PCSK6: variants seen among roughly 807,000 people sequenced by gnomAD.
PCSK6 encodes paired basic amino acid cleaving enzyme 4.
Under a neutral mutation model 123.3 loss-of-function variants are expected in PCSK6, and 85 were observed. That is an observed-to-expected ratio of 0.69 (90% CI 0.58 to 0.83). The LOEUF (loss-of-function observed/expected upper bound fraction) is 0.83. Among genes scored for constraint, PCSK6 ranks in the 40% least tolerant of loss-of-function variants. The probability of loss-of-function intolerance (pLI) is 0.00; values close to 1 mark genes in which losing one functional copy is unlikely to be tolerated. For synonymous variants in PCSK6, 508 were observed against 516.0 expected (o/e 0.98, Z 0.21); for missense variants, 1,191 against 1,282.3 (o/e 0.93, Z 1.09).
intron 1 of PCSK6, among the ~76,000 whole-genome samples, chr15:101,448,890 G>A (rs1299260130): frequency 6.6e-6 from 1 of 152,138 alleles, no homozygotes; most frequent in African/African-American, 2.4e-5. Context: ...ATCATGGGAG[G>A]CCTATATTAT....
chr15:101,478,824 G>A (rs1317707634), intron 1 of PCSK6, among the ~76,000 whole-genome samples: 2 of 152,182 alleles, frequency 1.3e-5, no homozygotes, highest in Non-Finnish European at 2.9e-5. Flanking sequence ...AAGCATAAGC[G>A]ATATTTGACT....
rs34872628 is a variant in PCSK6, at chr15:101,455,151, G to GCAAA, written c.298-11495_298-11492dup. Among the ~76,000 whole-genome samples the GCAAA allele has an allele frequency of 4.0e-5, 6 of 151,600 alleles. No individual in the cohort carries two copies. In the South Asian group the frequency reaches 6.2e-4, roughly 16 times the overall value. On this transcript the variant is annotated intron_variant, in intron 1 of 21. Transcript: ENST00000611716. ...TTTCTATTATGTGTATTTGACCACA[G>GCAAA]CAAACAAACAAACAAACAAAAAACT...
At chr15:101,390,789 A>C (rs2042211585) in intron 8 of PCSK6, among the ~76,000 whole-genome samples, 2 of 152,216 alleles carry the variant, frequency 1.3e-5, no homozygotes, top group Non-Finnish European at 2.9e-5. Context: ...TGAGACTCAA[A>C]GCAGAGACTC....
intron 1 of PCSK6, among the ~76,000 whole-genome samples, chr15:101,462,706 G>GA (rs909603772): frequency 6.6e-6 from 1 of 152,050 alleles, no homozygotes; most frequent in Non-Finnish European, 1.5e-5. Context: ...ATTCATATGA[G>GA]AAAAAAATAA....
At chr15:101,417,628 G>A (rs1361724993) in intron 6 of PCSK6, among the ~76,000 whole-genome samples, 1 of 152,076 alleles carries the variant, frequency 6.6e-6, no homozygotes, top group East Asian at 1.9e-4. Context: ...AGTAAGAGGT[G>A]ATGAAAGGAG....
intron 7 of PCSK6, 30 bp from the exon 8 acceptor site, chr15:101,393,454 C>T: frequency 1.3e-6 from 2 of 1,578,032 alleles, no homozygotes; most frequent in Non-Finnish European, 1.7e-6. Flanking sequence ...AAGGCTTAGC[C>T]CCGCAGCAGA....
chr15:101,361,164 C>T (rs76869257), intron 13 of PCSK6, among the ~76,000 whole-genome samples: 1,333 of 80,672 alleles, frequency 0.017, 30 homozygotes, highest in African/African-American at 0.031. Context: ...CTTTCTCTCT[C>T]TTTTTTTTTT....
At chr15:101,352,967 T>C (rs2040936795) in intron 13 of PCSK6, among the ~76,000 whole-genome samples, 1 of 152,228 alleles carries the variant, frequency 6.6e-6, no homozygotes, top group African/African-American at 2.4e-5. Flanking sequence ...CCCAACCTTT[T>C]TGGCACAAGG....
intron 18 of PCSK6, among the ~76,000 whole-genome samples, 190 bp downstream of exon 18, chr15:101,322,330 A>G (rs983146258): frequency 6.6e-6 from 1 of 152,082 alleles, no homozygotes; most frequent in Non-Finnish European, 1.5e-5. Context: ...AAATGTAGAG[A>G]TTCCGCCCAT....
At chr15:101,464,001 G>C (rs1037693641) in intron 1 of PCSK6, among the ~76,000 whole-genome samples, 3 of 152,144 alleles carry the variant, frequency 2.0e-5, no homozygotes, top group Admixed American at 2.0e-4. Context: ...AACGGCTCCA[G>C]GTCTCTTACA....
chr15:101,326,348 G>A (rs1218839023), intron 16 of PCSK6, 29 bp downstream of exon 16: 5 of 1,530,882 alleles, frequency 3.3e-6, no homozygotes, highest in African/African-American at 2.8e-5. Flanking sequence ...ACTGAGTGGT[G>A]AGCCACAGGG....
chr15:101,342,884 A>G (rs2141391526), intron 13 of PCSK6, among the ~76,000 whole-genome samples: 1 of 151,272 alleles, frequency 6.6e-6, no homozygotes, highest in East Asian at 1.9e-4. Context: ...CCTGGGCAAC[A>G]GAGTGAGACT....
intron 6 of PCSK6, among the ~76,000 whole-genome samples, chr15:101,415,894 A>G (rs920140872): frequency 6.6e-6 from 1 of 152,244 alleles, no homozygotes; most frequent in Non-Finnish European, 1.5e-5. Context: ...CTTCCCAGCC[A>G]CGTGGAACTG....
At chr15:101,469,774 T>C (rs1004241941) in intron 1 of PCSK6, among the ~76,000 whole-genome samples, 3 of 152,184 alleles carry the variant, frequency 2.0e-5, no homozygotes, top group Non-Finnish European at 4.4e-5. Flanking sequence ...GCCTTTTCCA[T>C]CCTAAGCTTT....
At chr15:101,454,611 G>T (rs982954789) in intron 1 of PCSK6, among the ~76,000 whole-genome samples, 2 of 152,176 alleles carry the variant, frequency 1.3e-5, no homozygotes, top group African/African-American at 2.4e-5. Context: ...CAGGGGCTGT[G>T]GGGGAGGGAG....
chr15:101,430,301 T>G (rs1174804517), intron 4 of PCSK6, among the ~76,000 whole-genome samples: 3 of 152,128 alleles, frequency 2.0e-5, no homozygotes, highest in Non-Finnish European at 4.4e-5. Context: ...AGGCCATCGC[T>G]GCTACCCATC....
chr15:101,403,782 C>A (rs1018791222), intron 6 of PCSK6, among the ~76,000 whole-genome samples: 3 of 152,104 alleles, frequency 2.0e-5, no homozygotes, highest in Non-Finnish European at 2.9e-5. Context: ...GACAGTGGCG[C>A]CATTTCGGCT....
intron 2 of PCSK6, among the ~76,000 whole-genome samples, chr15:101,440,894 G>A (rs2056736636): frequency 1.3e-5 from 2 of 152,216 alleles, no homozygotes; most frequent in African/African-American, 4.8e-5. Flanking sequence ...TTGCATTAAA[G>A]CTAGACAAAT....
chr15:101,450,376 G>A (rs12594107), intron 1 of PCSK6, among the ~76,000 whole-genome samples: 45,061 of 151,794 alleles, frequency 0.3, 7,914 homozygotes, highest in Non-Finnish European at 0.4. Context: ...CCCTGTGCTC[G>A]CTCAAGTCCC....
Sources: gnomAD v4.1 joint callset for allele counts (sites outside exome capture counted in the v4.1 genomes callset) on GRCh38, gnomAD v4.1.1 for gene constraint, MANE v1.5 for transcripts, NCBI Gene and HGNC (gene_info 2026-07-23, HGNC 2026-07-21) for gene names.